Variants in ZNF385D observed in about 807,000 individuals in gnomAD.
ZNF385D encodes zinc finger protein 659.
A neutral mutation model predicts 35.8 loss-of-function variants in ZNF385D; 15 were observed. The observed-to-expected ratio is 0.42, with a 90% CI of 0.28 to 0.64. The LOEUF is 0.64. Among genes scored for constraint, ZNF385D ranks in the 30% least tolerant of loss-of-function variants. The probability of loss-of-function intolerance (pLI) is 0.23; values close to 1 mark genes in which losing one functional copy is unlikely to be tolerated. For missense variants in ZNF385D, 474 were observed against 494.6 expected (o/e 0.96, Z 0.39); for synonymous variants, 212 against 186.8 (o/e 1.13, Z -1.10).
chr3:22,070,624 G>C (rs973294501), intron 3 of ZNF385D, among the ~76,000 whole-genome samples: 11 of 152,108 alleles, frequency 7.2e-5, no homozygotes, highest in African/African-American at 2.7e-4. Context: ...GTCATAGAAA[G>C]TACTATAGTA....
chr3:21,738,154 G>T (rs1575565096), intron 1 of ZNF385D, among the ~76,000 whole-genome samples: 2 of 152,180 alleles, frequency 1.3e-5, no homozygotes, highest in Admixed American at 1.3e-4. Flanking sequence ...TTTGTGCATT[G>T]GTTCTCTTGT....
intron 3 of ZNF385D, among the ~76,000 whole-genome samples, chr3:21,770,022 C>G (rs2071007127): frequency 6.6e-6 from 1 of 152,120 alleles, no homozygotes; most frequent in Non-Finnish European, 1.5e-5. Flanking sequence ...GCTGGGAAAA[C>G]TGGCTTGCCA....
intron 3 of ZNF385D, among the ~76,000 whole-genome samples, chr3:22,022,743 G>C (rs944272489): frequency 6.6e-6 from 1 of 152,006 alleles, no homozygotes; most frequent in Admixed American, 6.6e-5. Context: ...CAGAAATTGA[G>C]ATGGAAAAAA....
In ZNF385D at chr3:22,148,181, C is replaced by T. The variant is rs1704984375; in HGVS notation, c.325+20636G>A. ...AACTCAACCAGAATTAGAATTTGTG[C>T]TTTGTAAATTTGTCTTTAGCCATGC... On this transcript the variant is annotated intron_variant, in intron 3 of 5. Coordinates refer to the ZNF385D transcript ENST00000494108. Among the ~76,000 whole-genome samples, 4 of 152,170 alleles carry T rather than the reference C, an allele frequency of 2.6e-5. No homozygotes were observed. In the South Asian group the frequency reaches 8.3e-4, roughly 32 times the overall value.
chr3:21,880,787 G>C lies in ZNF385D; in HGVS notation c.326-215759C>G, dbSNP rs74826885. On this transcript the variant is annotated intron_variant, in intron 3 of 5. Transcript: ENST00000494108. ...CAGTTAGCAATGTTGTGAACGCAAAGGAAAACTTCTTGAAAAAAATGGAAA... is the reference window on the plus strand; with the variant it reads ...CAGTTAGCAATGTTGTGAACGCAAACGAAAACTTCTTGAAAAAAATGGAAA... Among the ~76,000 whole-genome samples the C allele has an allele frequency of 4.4e-3, 666 of 151,986 alleles. 7 individuals carry two copies. Among genetic ancestry groups the C allele is most frequent in the African/African-American group, 0.015 (626 of 41,482 alleles).
At chr3:21,627,246 G>GGTGGGT in intron 2 of ZNF385D, among the ~76,000 whole-genome samples, 2 of 139,500 alleles carry the variant, frequency 1.4e-5, no homozygotes, top group Middle Eastern at 7.2e-3. Context: ...AGAGGTGTAG[G>GGTGGGT]GTGTGTGTGT....
rs1700522618 is a variant in ZNF385D, at chr3:21,413,635, C to A, written c.*7579G>T. ...TAAAACCCTGGTTATATTTTTTAAG[C>A]CATAAGAATATAAGAGGAGAAAAAT... On this transcript the variant is annotated 3_prime_UTR_variant, in exon 8 of 8. Transcript: ENST00000281523. 3 of 151,964 alleles carry A rather than the reference C, an allele frequency of 2.0e-5. No individual in the cohort carries two copies. The highest frequency in any genetic ancestry group is 7.2e-5 in the African/African-American group (3 of 41,386). The allele number at this position is 151,964 out of a possible 1,614,324, so 9.4% of individuals were successfully genotyped here.
At chr3:21,968,787 C>T (rs1008683433) in intron 3 of ZNF385D, among the ~76,000 whole-genome samples, 3 of 152,170 alleles carry the variant, frequency 2.0e-5, no homozygotes, top group Non-Finnish European at 4.4e-5. Context: ...TGACCCAGCA[C>T]ATTCCAAGCT....
At chr3:22,083,357 G>C (rs1700858264) in intron 3 of ZNF385D, among the ~76,000 whole-genome samples, 1 of 151,630 alleles carries the variant, frequency 6.6e-6, no homozygotes, top group Admixed American at 6.6e-5. Flanking sequence ...CCAATGGCTA[G>C]CTAGAATAAA....
chr3:22,029,244 A>G (rs1418914729), intron 3 of ZNF385D, among the ~76,000 whole-genome samples: 1 of 152,076 alleles, frequency 6.6e-6, no homozygotes, highest in Non-Finnish European at 1.5e-5. Flanking sequence ...TACTTGCACT[A>G]TCAAGATGAA....
chr3:21,796,611 T>A (rs1272101308), intron 3 of ZNF385D, among the ~76,000 whole-genome samples: 4 of 152,090 alleles, frequency 2.6e-5, no homozygotes, highest in Non-Finnish European at 4.4e-5. Flanking sequence ...TTCACAAAAA[T>A]AAACTAAAGG....
intron 2 of ZNF385D, among the ~76,000 whole-genome samples, chr3:22,369,928 T>G (rs1378064083): frequency 6.6e-6 from 1 of 152,170 alleles, no homozygotes; most frequent in Non-Finnish European, 1.5e-5. Context: ...CTGCATACAC[T>G]TAGCAATGAG....
chr3:21,956,215 A>G (rs187196371), intron 3 of ZNF385D, among the ~76,000 whole-genome samples: 1 of 151,944 alleles, frequency 6.6e-6, no homozygotes, highest in African/African-American at 2.4e-5. Flanking sequence ...AAAAAGTGAA[A>G]GAAAGAAAGA....
chr3:21,971,756 T>C (rs980327496), intron 3 of ZNF385D, among the ~76,000 whole-genome samples: 1 of 149,050 alleles, frequency 6.7e-6, no homozygotes, highest in Non-Finnish European at 1.5e-5. Context: ...AAACTGAAAA[T>C]AAAGGGATGA....
At chr3:21,421,789 T>G (rs1404392438) in intron 7 of ZNF385D, among the ~76,000 whole-genome samples, 2 of 152,224 alleles carry the variant, frequency 1.3e-5, no homozygotes, top group African/African-American at 2.4e-5. Context: ...TACACATACA[T>G]TAACTACTAA....
At chr3:22,350,194 A>G (rs1029668601) in intron 2 of ZNF385D, among the ~76,000 whole-genome samples, 6 of 152,194 alleles carry the variant, frequency 3.9e-5, no homozygotes, top group Non-Finnish European at 7.4e-5. Context: ...GGAAAAATTC[A>G]TAACTGTTTC....
intron 3 of ZNF385D, among the ~76,000 whole-genome samples, chr3:21,947,997 A>G (rs1701879338): frequency 6.6e-6 from 1 of 152,062 alleles, no homozygotes; most frequent in Non-Finnish European, 1.5e-5. Flanking sequence ...CCCACTCTTT[A>G]TTCATTTTAA....
At chr3:22,177,738 C>G (rs1291859303) in intron 2 of ZNF385D, among the ~76,000 whole-genome samples, 1 of 152,158 alleles carries the variant, frequency 6.6e-6, no homozygotes, top group Non-Finnish European at 1.5e-5. Flanking sequence ...CCCCTCTCCC[C>G]AAACCCCACA....
intron 3 of ZNF385D, among the ~76,000 whole-genome samples, chr3:21,791,686 G>C (rs1285242173): frequency 6.6e-6 from 1 of 152,234 alleles, no homozygotes; most frequent in East Asian, 1.9e-4. Context: ...AGTTTAGAAA[G>C]TTTAAGTAAT....
Sources: allele counts gnomAD v4.1 joint callset (sites outside exome capture counted in the v4.1 genomes callset), GRCh38; gene constraint gnomAD v4.1.1; transcripts MANE v1.5; gene names NCBI Gene and HGNC (gene_info 2026-07-23, HGNC 2026-07-21).